AGBL3: variants seen among roughly 807,000 people sequenced by gnomAD.
AGBL3 encodes AGBL carboxypeptidase 3.
Under a neutral mutation model 94.5 loss-of-function variants are expected in AGBL3, and 68 were observed. The observed-to-expected ratio is 0.72, with a 90% CI of 0.59 to 0.88. The LOEUF is 0.88. AGBL3 is among the 40% of genes least tolerant of loss of function. AGBL3 has a pLI of 0.00. For missense variants in AGBL3, 934 were observed against 1,103.8 expected (o/e 0.85, Z 2.18); for synonymous variants, 354 against 370.7 (o/e 0.95, Z 0.52).
At chr7:135,031,576 C>A (rs1274618081) in intron 5 of AGBL3, among the ~76,000 whole-genome samples, 2 of 152,148 alleles carry the variant, frequency 1.3e-5, no homozygotes, top group Non-Finnish European at 1.5e-5. Context: ...TTCTTTTAAA[C>A]ATTACGTTGA....
chr7:135,081,621 A>G, intron 14 of AGBL3, 98 bp from the exon 15 acceptor site: 1 of 724,358 alleles, frequency 1.4e-6, no homozygotes, highest in Non-Finnish European at 2.2e-6. Flanking sequence ...TCTACAAGTT[A>G]TTTACTAGCA....
At chr7:135,114,260 G>T (rs975275261) in intron 15 of AGBL3, among the ~76,000 whole-genome samples, 35 of 152,012 alleles carry the variant, frequency 2.3e-4, no homozygotes, top group African/African-American at 8.5e-4. Context: ...TTTAATTATT[G>T]AGGAACCATC....
At position 135,132,679 on chromosome 7, in the gene AGBL3, T is replaced by G. The variant is rs1208396766; in HGVS notation, c.2343-2162T>G. ...CTCTTCTCGTGGTACTGAACAAGTC[T>G]CAGGAGATCCGATGGTTTTATAAAT... On this transcript the variant is annotated intron_variant, in intron 16 of 16. Coordinates refer to ENST00000436302, the MANE Select transcript of AGBL3 (RefSeq NM_178563.4). Among the ~76,000 whole-genome samples, 3 of 152,178 alleles carry G rather than the reference T, an allele frequency of 2.0e-5. No individual in the cohort carries two copies. In the East Asian group the frequency reaches 5.8e-4, roughly 29 times the overall value.
intron 11 of AGBL3, 60 bp from the exon 12 acceptor site, chr7:135,059,109 C>T: frequency 8.1e-7 from 1 of 1,239,740 alleles, no homozygotes; most frequent in Non-Finnish European, 1.1e-6. Flanking sequence ...ATAAAAGCAA[C>T]AGTTGAAATT....
At chr7:135,012,863 G>A (rs1563182973) in intron 4 of AGBL3, among the ~76,000 whole-genome samples, 1 of 151,984 alleles carries the variant, frequency 6.6e-6, no homozygotes, top group Non-Finnish European at 1.5e-5. Context: ...AACATGGAAC[G>A]ATATCTCTGT....
intron 15 of AGBL3, among the ~76,000 whole-genome samples, chr7:135,110,741 C>G (rs1825515278): frequency 6.6e-6 from 1 of 152,224 alleles, no homozygotes; most frequent in Non-Finnish European, 1.5e-5. Context: ...CCTTCAGTTT[C>G]TCTCCATGAG....
intron 15 of AGBL3, among the ~76,000 whole-genome samples, chr7:135,113,819 C>T (rs1423996354): frequency 6.6e-6 from 1 of 152,194 alleles, no homozygotes; most frequent in East Asian, 1.9e-4. Context: ...TTCTCCCTCC[C>T]CCCAGCACCT....
At chr7:135,116,519 T>A (rs985734411) in intron 16 of AGBL3, among the ~76,000 whole-genome samples, 1 of 152,134 alleles carries the variant, frequency 6.6e-6, no homozygotes, top group Non-Finnish European at 1.5e-5. Flanking sequence ...ACCAGCCCAA[T>A]GGGGAGAGAA....
At chr7:135,123,647 G>A (rs1827452170) in intron 16 of AGBL3, among the ~76,000 whole-genome samples, 2 of 152,120 alleles carry the variant, frequency 1.3e-5, no homozygotes, top group African/African-American at 4.8e-5. Context: ...CAGAGAGAAA[G>A]GCCAGGTCAT....
At chr7:135,113,937 G>A (rs1229308381) in intron 15 of AGBL3, among the ~76,000 whole-genome samples, 1 of 152,088 alleles carries the variant, frequency 6.6e-6, no homozygotes, top group Non-Finnish European at 1.5e-5. Flanking sequence ...TCAAATATTT[G>A]GATGACAAAT....
chr7:135,035,011 A>AC (rs1816162127), intron 7 of AGBL3, 83 bp downstream of exon 7: 1 of 1,233,242 alleles, frequency 8.1e-7, no homozygotes. Flanking sequence ...CATTCATTTT[A>AC]CTGTAACTTC....
chr7:135,016,281 C>T (rs1293582968), intron 4 of AGBL3, among the ~76,000 whole-genome samples: 2 of 152,044 alleles, frequency 1.3e-5, no homozygotes, highest in African/African-American at 4.8e-5. Flanking sequence ...CAGTGATACA[C>T]ATTTGCATCA....
intron 3 of AGBL3, among the ~76,000 whole-genome samples, chr7:134,991,170 C>T (rs1810194682): frequency 8.5e-6 from 1 of 117,754 alleles, no homozygotes; most frequent in Non-Finnish European, 1.6e-5. Context: ...ATGTGTAATT[C>T]AGGGATTGAG....
chr7:135,118,346 G>A (rs1826620625), intron 16 of AGBL3, among the ~76,000 whole-genome samples: 1 of 152,152 alleles, frequency 6.6e-6, no homozygotes, highest in South Asian at 2.1e-4. Context: ...ATCACGCCAT[G>A]TCCTAATTGT....
At chr7:135,090,436 T>C (rs370524907) in intron 15 of AGBL3, among the ~76,000 whole-genome samples, 38 of 152,258 alleles carry the variant, frequency 2.5e-4, no homozygotes, top group Admixed American at 5.9e-4. Context: ...TGCTATTTCC[T>C]TGGGACACAG....
chr7:135,045,418 G>A (rs1313870598), intron 9 of AGBL3, 56 bp from the exon 10 acceptor site: 7 of 1,392,690 alleles, frequency 5.0e-6, no homozygotes, highest in African/African-American at 1.4e-5. Context: ...CAATGTACCT[G>A]CTAAGAAAAA....
At position 135,134,916 on chromosome 7, in the gene AGBL3, A is replaced by G; in HGVS notation, c.2418A>G (p.Val806=). 1 of 1,551,210 alleles carries G rather than the reference A, an allele frequency of 6.4e-7. No homozygotes were observed. Among genetic ancestry groups the G allele is most frequent in the Non-Finnish European group, 8.7e-7 (1 of 1,146,634 alleles). The change falls in exon 17 of 17, where the codon GTA becomes GTG. Residue 806 remains valine, a synonymous_variant. Transcript: ENST00000436302. ...SWTAPRNHPF[V]IQGDVMANSS... ...CAGCACCCAGAAATCACCCTTTTGT[A>G]ATCCAAGGGGATGTTATGGCAAACT...
At chr7:135,033,084 C>A in intron 6 of AGBL3, 102 bp downstream of exon 6, 1 of 1,146,290 alleles carries the variant, frequency 8.7e-7, no homozygotes, top group Non-Finnish European at 1.2e-6. Context: ...ACTGTAATTC[C>A]TTGAAGTATG....
intron 12 of AGBL3, among the ~76,000 whole-genome samples, chr7:135,065,825 A>G (rs1819239130): frequency 6.6e-6 from 1 of 152,184 alleles, no homozygotes; most frequent in Non-Finnish European, 1.5e-5. Context: ...TGGGAGGTCA[A>G]GGCTGCAGTA....
Sources: gnomAD v4.1 joint callset for allele counts (sites outside exome capture counted in the v4.1 genomes callset) on GRCh38, gnomAD v4.1.1 for gene constraint, MANE v1.5 for transcripts, NCBI Gene and HGNC (gene_info 2026-07-23, HGNC 2026-07-21) for gene names.